The following SLC9D1 variants were observed in gnomAD, a reference collection of about 807,000 sequenced individuals.
SLC9D1 encodes putative LAG1-interacting protein.
At chr13:113,503,920 A>G in the SLC9D1 span, 2 of 219,858 alleles carry the variant, frequency 9.1e-6, no homozygotes, top group East Asian at 2.1e-4. Context: ...TTGCATATTC[A>G]GTGTGTTACC....
At chr13:113,507,924 C>T in the SLC9D1 span, among the ~76,000 whole-genome samples, 8 of 152,226 alleles carry the variant, frequency 5.3e-5, no homozygotes, top group South Asian at 2.1e-4. Context: ...CTCCCGTCAG[C>T]GCCTCCTGAC....
At chr13:113,547,002 C>G in the SLC9D1 span, 1 of 377,040 alleles carries the variant, frequency 2.7e-6, no homozygotes, top group Non-Finnish European at 4.9e-6. Context: ...TGAAGGAGTG[C>G]CAGACCGAGT....
At chr13:113,515,427 G>T in the SLC9D1 span, among the ~76,000 whole-genome samples, 1 of 152,186 alleles carries the variant, frequency 6.6e-6, no homozygotes, top group African/African-American at 2.4e-5. Context: ...AATGACAGAT[G>T]TGGCCGGGTG....
At chr13:113,492,166 G>A in the SLC9D1 span, among the ~76,000 whole-genome samples, 2 of 152,134 alleles carry the variant, frequency 1.3e-5, no homozygotes, top group Non-Finnish European at 2.9e-5. Flanking sequence ...AATAGAGACA[G>A]GGTCTTGCTG....
the SLC9D1 span, chr13:113,500,087 C>A: frequency 2.5e-6 from 4 of 1,593,848 alleles, no homozygotes; most frequent in Non-Finnish European, 3.4e-6. Context: ...CCAGAACAAC[C>A]AGTATATTTT....
chr13:113,539,705 A>G, the SLC9D1 span, among the ~76,000 whole-genome samples: 1 of 152,172 alleles, frequency 6.6e-6, no homozygotes, highest in Non-Finnish European at 1.5e-5. The surrounding 1 kb of genome is among the most constrained non-coding windows in gnomAD (Gnocchi z 4.8). Context: ...ATCTTATTTT[A>G]TTATACTGTT....
the SLC9D1 span, among the ~76,000 whole-genome samples, chr13:113,543,002 C>T: frequency 6.6e-6 from 1 of 150,528 alleles, no homozygotes; most frequent in Non-Finnish European, 1.5e-5. Flanking sequence ...TCTCGGCTGC[C>T]ATTTGATCCC....
the SLC9D1 span, among the ~76,000 whole-genome samples, chr13:113,502,175 G>GAATGTAACC: frequency 2.0e-3 from 308 of 152,300 alleles, no homozygotes; most frequent in African/African-American, 7.1e-3. Flanking sequence ...TTCACGTGCT[G>GAATGTAACC]AATGTAACCA....
chr13:113,517,435 A>G, the SLC9D1 span, among the ~76,000 whole-genome samples: 14 of 152,124 alleles, frequency 9.2e-5, no homozygotes, highest in Admixed American at 2.0e-4. Flanking sequence ...TCACCGTGTT[A>G]GCCAGGATGG....
chr13:113,547,986 T>C, the SLC9D1 span, among the ~76,000 whole-genome samples: 1 of 134,594 alleles, frequency 7.4e-6, no homozygotes, highest in African/African-American at 2.8e-5. Context: ...ATTTCCACCT[T>C]GAGTACCCCA....
the SLC9D1 span, among the ~76,000 whole-genome samples, chr13:113,524,597 A>G: frequency 6.6e-6 from 1 of 152,120 alleles, no homozygotes; most frequent in African/African-American, 2.4e-5. Context: ...CGGCCTCCCA[A>G]AGTGCTGGGA....
At chr13:113,512,620 T>C in the SLC9D1 span, among the ~76,000 whole-genome samples, 1 of 143,220 alleles carries the variant, frequency 7.0e-6, no homozygotes. Context: ...AGTCAGTATA[T>C]ATAGATTTGG....
At chr13:113,546,797 C>T in the SLC9D1 span, among the ~76,000 whole-genome samples, 133 of 148,006 alleles carry the variant, frequency 9.0e-4, no homozygotes, top group African/African-American at 3.1e-3. This position sits in a 1 kb window ranked among gnomAD's most constrained non-coding sequence, Gnocchi z 7.1. Flanking sequence ...CAGCCCAGTC[C>T]GAGAGTCCTG....
At chr13:113,512,814 G>A in the SLC9D1 span, among the ~76,000 whole-genome samples, 2 of 146,208 alleles carry the variant, frequency 1.4e-5, no homozygotes, top group Non-Finnish European at 3.0e-5. Context: ...AGACGGAGAG[G>A]GTCAGTATAT....
chr13:113,507,793 G>A, the SLC9D1 span, among the ~76,000 whole-genome samples: 2 of 152,232 alleles, frequency 1.3e-5, no homozygotes, highest in Non-Finnish European at 2.9e-5. Context: ...CACCTGTGGT[G>A]TTCCAGGCCC....
At chr13:113,536,578 G>A in the SLC9D1 span, 14 of 985,018 alleles carry the variant, frequency 1.4e-5, no homozygotes, top group Admixed American at 6.2e-5. Context: ...GACAACTTCC[G>A]TGTTGCCCTC....
the SLC9D1 span, among the ~76,000 whole-genome samples, chr13:113,494,221 T>A: frequency 2.0e-5 from 3 of 152,350 alleles, no homozygotes; most frequent in East Asian, 5.8e-4. Flanking sequence ...AAACTGTAAA[T>A]CTGCGTAAGT....
At chr13:113,532,961 G>A in the SLC9D1 span, among the ~76,000 whole-genome samples, 25 of 50,536 alleles carry the variant, frequency 4.9e-4, no homozygotes, top group Non-Finnish European at 6.8e-4. Flanking sequence ...AGTCGCAGAC[G>A]TGGGCCCTGC....
the SLC9D1 span, chr13:113,506,165 T>A: frequency 7.8e-6 from 1 of 128,946 alleles, no homozygotes; most frequent in Non-Finnish European, 1.4e-5. Context: ...CGTGGCTGCC[T>A]GGCCTGTGGA....
Sources: allele counts gnomAD v4.1 joint callset (sites outside exome capture counted in the v4.1 genomes callset), GRCh38; gene constraint gnomAD v4.1.1; non-coding constraint Gnocchi (gnomAD v3.1); transcripts MANE v1.5; gene names NCBI Gene and HGNC (gene_info 2026-07-23, HGNC 2026-07-21).